Variants in ARHGDIB observed in about 807,000 individuals in gnomAD.
ARHGDIB encodes the protein Rho GDP dissociation inhibitor beta.
A neutral mutation model predicts 22.6 loss-of-function variants in ARHGDIB; 20 were observed. The ratio of observed to expected loss-of-function variants is 0.88; its 90% confidence interval spans 0.62 to 1.28. The LOEUF (loss-of-function observed/expected upper bound fraction) is 1.28. ARHGDIB is among the 50% of genes most tolerant of loss of function. The probability of loss-of-function intolerance (pLI) is 0.00; values close to 1 mark genes in which losing one functional copy is unlikely to be tolerated. For missense variants in ARHGDIB, 254 were observed against 245.4 expected, an observed-to-expected ratio of 1.04 and a Z score of -0.23; for synonymous variants, 114 against 96.1, an observed-to-expected ratio of 1.19 and a Z score of -1.09.
intron 5 of ARHGDIB, among the ~76,000 whole-genome samples, chr12:14,944,563 C>G (rs7301801): frequency 0.73 from 111,599 of 152,146 alleles, 41,751 homozygotes; most frequent in Non-Finnish European, 0.82. Flanking sequence ...GACTGCTGAA[C>G]GTTAGCAGCT....
At chr12:14,952,694 G>A (rs1463450529) in intron 1 of ARHGDIB, among the ~76,000 whole-genome samples, 1 of 152,104 alleles carries the variant, frequency 6.6e-6, no homozygotes, top group Non-Finnish European at 1.5e-5. Flanking sequence ...ATGAGACAGG[G>A]GCATACCCAG....
intron 1 of ARHGDIB, among the ~76,000 whole-genome samples, chr12:14,957,273 T>C (rs2445433): frequency 0.25 from 37,882 of 152,124 alleles, 4,760 homozygotes; most frequent in African/African-American, 0.29. Context: ...TGAAAAATTA[T>C]AGGACTATAC....
intron 3 of ARHGDIB, among the ~76,000 whole-genome samples, chr12:14,949,189 C>T (rs1029892975): frequency 2.6e-5 from 4 of 152,108 alleles, no homozygotes; most frequent in African/African-American, 9.7e-5. Context: ...CCATTTCCTC[C>T]ACAATAACCC....
intron 5 of ARHGDIB, 45 bp downstream of exon 5, chr12:14,944,731 A>G: frequency 6.4e-7 from 1 of 1,574,342 alleles, no homozygotes. Context: ...TTAAAGTATC[A>G]ATGAGAAGCA....
chr12:14,948,077 C>A, intron 3 of ARHGDIB, 128 bp from the exon 4 acceptor site: 1 of 637,880 alleles, frequency 1.6e-6, no homozygotes, highest in Non-Finnish European at 2.9e-6. Flanking sequence ...CCTCAATTCA[C>A]AGAGTATTTG....
intron 3 of ARHGDIB, 24 bp from the exon 4 acceptor site, chr12:14,947,973 G>A: frequency 6.3e-7 from 1 of 1,582,136 alleles, no homozygotes; most frequent in Non-Finnish European, 8.7e-7. Context: ...TTTAGAGAGA[G>A]TTTATCCTCA....
intron 3 of ARHGDIB, among the ~76,000 whole-genome samples, chr12:14,948,628 G>C (rs966311004): frequency 1.2e-4 from 18 of 152,142 alleles, no homozygotes; most frequent in African/African-American, 4.3e-4. Flanking sequence ...CACTCTCTAT[G>C]CTTTTCTTCA....
At chr12:14,944,332 C>T (rs1863956687) in intron 5 of ARHGDIB, among the ~76,000 whole-genome samples, 1 of 151,908 alleles carries the variant, frequency 6.6e-6, no homozygotes. Flanking sequence ...CATTGCCTCC[C>T]CCTTCCCTCC....
intron 4 of ARHGDIB, among the ~76,000 whole-genome samples, chr12:14,946,140 CTCT>C (rs1864009020): frequency 6.6e-6 from 1 of 152,128 alleles, no homozygotes; most frequent in Non-Finnish European, 1.5e-5. Flanking sequence ...TCATAGAATC[CTCT>C]TCTTCTGCCC....
At position 14,944,857 on chromosome 12, in the gene ARHGDIB, C is replaced by T. The variant is rs369538748; in HGVS notation, c.343-18G>A. 1.6e-4 allele frequency: 256 copies of T among 1,610,404 alleles called. 4 individuals are homozygous for T. In the African/African-American group the frequency reaches 3.1e-3, roughly 19 times the overall value. On this transcript the variant is annotated intron_variant, in intron 4 of 5. Coordinates refer to ENST00000228945, the MANE Select transcript of ARHGDIB (RefSeq NM_001175.7). Reference sequence around the variant, plus strand: ...CTGTTCACCTGCAGGTGGGAAGGAACCAAGATGTTCAGATTAAGAGGGTCT... The same window carrying T: ...CTGTTCACCTGCAGGTGGGAAGGAATCAAGATGTTCAGATTAAGAGGGTCT...
At chr12:14,949,917 G>C (rs879093986) in intron 2 of ARHGDIB, 32 bp from the exon 3 acceptor site, 1 of 1,591,934 alleles carries the variant, frequency 6.3e-7, no homozygotes, top group African/African-American at 1.3e-5. Flanking sequence ...TAAGTACCAA[G>C]AAGAGACATG....
chr12:14,942,583 T>C lies in ARHGDIB; in HGVS notation c.545A>G (p.Asp182Gly). Residue 182 changes from aspartate to glycine, a missense_variant, in exon 6 of 6, where the codon GAC (aspartate) becomes GGC (glycine). Asp to Gly is a moderately conservative substitution (Grantham distance 94). Transcript: ENST00000228945. ...CTCCCAGCTGAGGTGGTCTTGCTTGTCATCGTCGGTGAAGAAGGACTTGTT... is the reference window on the plus strand; with the variant it reads ...CTCCCAGCTGAGGTGGTCTTGCTTGCCATCGTCGGTGAAGAAGGACTTGTT... ...YHNKSFFTDD[D>G]KQDHLSWEWN... 1.2e-6 allele frequency: 2 copies of C among 1,614,190 alleles called. No individual in the cohort carries two copies. Among genetic ancestry groups the C allele is most frequent in the Non-Finnish European group, 1.7e-6 (2 of 1,180,026 alleles).
chr12:14,948,353 T>G (rs1864079922), intron 3 of ARHGDIB, among the ~76,000 whole-genome samples: 1 of 152,178 alleles, frequency 6.6e-6, no homozygotes, highest in Non-Finnish European at 1.5e-5. Context: ...AAATAAAACA[T>G]ATAAGAAAAA....
At chr12:14,944,751 AGT>A in intron 5 of ARHGDIB, 23 bp downstream of exon 5, 4 of 1,608,338 alleles carry the variant, frequency 2.5e-6, no homozygotes, top group Non-Finnish European at 3.4e-6. Context: ...AGTTTGGGAC[AGT>A]GTGGAAATGT....
At chr12:14,960,963 A>C (rs983479666) in intron 1 of ARHGDIB, among the ~76,000 whole-genome samples, 1 of 152,196 alleles carries the variant, frequency 6.6e-6, no homozygotes, top group Non-Finnish European at 1.5e-5. Context: ...AAGCCCCTGC[A>C]CTCTAAGGGA....
chr12:14,953,641 A>G (rs1382064893), intron 1 of ARHGDIB, among the ~76,000 whole-genome samples: 1 of 152,060 alleles, frequency 6.6e-6, no homozygotes, highest in African/African-American at 2.4e-5. Context: ...AAGGAAAAAA[A>G]AAACAGATAA....
chr12:14,942,619 C>T lies in ARHGDIB; in HGVS notation c.509G>A (p.Gly170Asp), dbSNP rs1194798861. The T allele has an allele frequency of 2.5e-6, 4 of 1,614,040 alleles. No homozygotes were observed. The highest frequency in any genetic ancestry group is 1.7e-5 in the Admixed American group (1 of 60,008). The change falls in exon 6 of 6, where the codon GGC becomes GAC. Residue 170 changes from glycine to aspartate, a missense_variant. Transcript: ENST00000228945. ...GAAGAAGGACTTGTTGTGGTACGTG[C>T]CTCGCGCCAGCATGCCCTTGGGAGC... ...EEAPKGMLARGTYHNKSFFTD... is the reference protein window; with the variant it reads ...EEAPKGMLARDTYHNKSFFTD...
Position 14,950,652 on chromosome 12 carries a change from T to A in ARHGDIB, c.61A>T (p.Lys21Ter). The A allele has an allele frequency of 6.2e-7, 1 of 1,613,998 alleles. No individual in the cohort carries two copies. Among genetic ancestry groups the A allele is most frequent in the Non-Finnish European group, 8.5e-7 (1 of 1,179,890 alleles). The stretch of plus-strand genomic sequence containing the variant: ...TGTGGTGGAGGCTTATAATTGAGCT[T>A]GCTGTCCAGCTCATCATCGTCATCC... ...EEDDDDELDSKLNYKPPPQKS... is the reference protein window; with the variant it reads ...EEDDDDELDS The change falls in exon 2 of 6, where the codon AAG becomes TAG. Residue 21 changes from lysine (K) to a stop codon, truncating the protein, a stop_gained. Coordinates refer to ENST00000228945, the MANE Select transcript of ARHGDIB (RefSeq NM_001175.7). LOFTEE classifies it high-confidence loss of function.
At chr12:14,944,093 C>T (rs1863949760) in intron 5 of ARHGDIB, among the ~76,000 whole-genome samples, 1 of 151,414 alleles carries the variant, frequency 6.6e-6, no homozygotes, top group East Asian at 1.9e-4. Context: ...TGTTTCTTGC[C>T]TCTGGAGGGG....
Sources: gnomAD v4.1 joint callset for allele counts (sites outside exome capture counted in the v4.1 genomes callset) on GRCh38, gnomAD v4.1.1 for gene constraint, MANE v1.5 for transcripts, NCBI Gene and HGNC (gene_info 2026-07-23, HGNC 2026-07-21) for gene names.